RELN: variants seen among roughly 807,000 people sequenced by gnomAD.
RELN encodes reelin.
A neutral mutation model predicts 427.6 loss-of-function variants in RELN; 108 were observed. That is an observed-to-expected ratio of 0.25 (90% CI 0.22 to 0.30). The LOEUF (loss-of-function observed/expected upper bound fraction) is 0.30. Among genes scored for constraint, RELN ranks in the 10% least tolerant of loss-of-function variants. The pLI, the probability that RELN is intolerant of heterozygous loss-of-function variation, is 1.00. For missense variants in RELN, 3,715 were observed against 4,302.8 expected (o/e 0.86, Z 3.82); for synonymous variants, 1,524 against 1,513.4 (o/e 1.01, Z -0.16).
chr7:103,723,158 C>G lies in RELN; in HGVS notation c.787G>C (p.Val263Leu). 1.3e-6 allele frequency: 2 copies of G among 1,597,850 alleles called. No individual in the cohort carries two copies. The highest frequency in any genetic ancestry group is 1.7e-6 in the Non-Finnish European group (2 of 1,165,934). The stretch of plus-strand genomic sequence containing the variant: ...CACTTACCAATGGAAAATTGGAGGA[C>G]AGAAGCTGTTGTTGTATTAAGGCCT... The part of the protein sequence containing the change: ...TTGLNTTTAS[V>L]LQFSIGSGSC... The change falls in exon 8 of 65, where the codon GTC (valine) becomes CTC (leucine). Residue 263 changes from valine (V) to leucine (L), a missense_variant. Transcript: ENST00000428762.
At chr7:103,703,746 G>A (rs995285931) in intron 8 of RELN, among the ~76,000 whole-genome samples, 2 of 152,110 alleles carry the variant, frequency 1.3e-5, no homozygotes, top group Admixed American at 6.6e-5. Context: ...TCACTCTGAG[G>A]CAGCAATTTT....
chr7:103,757,974 C>A (rs1023128248), intron 4 of RELN, among the ~76,000 whole-genome samples: 3 of 152,146 alleles, frequency 2.0e-5, no homozygotes, highest in Non-Finnish European at 1.5e-5. Flanking sequence ...TGAATTTCTA[C>A]ATTTTTTCAG....
At chr7:103,548,935 A>G (rs1380419885) in intron 41 of RELN, among the ~76,000 whole-genome samples, 2 of 152,212 alleles carry the variant, frequency 1.3e-5, no homozygotes, top group Non-Finnish European at 2.9e-5. Context: ...ATTATTTCCA[A>G]GTGGGAACTT....
At chr7:103,894,543 T>C (rs1224877087) in intron 2 of RELN, among the ~76,000 whole-genome samples, 1 of 152,196 alleles carries the variant, frequency 6.6e-6, no homozygotes, top group Admixed American at 6.6e-5. Context: ...GTTTAATGTA[T>C]GTGTTTTCAA....
intron 3 of RELN, among the ~76,000 whole-genome samples, chr7:103,803,167 C>T (rs528640124): frequency 3.3e-5 from 5 of 152,064 alleles, no homozygotes; most frequent in Non-Finnish European, 7.4e-5. Flanking sequence ...GATTGCAAGA[C>T]TAAAATACTC....
In RELN at chr7:103,917,117, G is replaced by T. The variant is rs762514238; in HGVS notation, c.295C>A (p.Gln99Lys). 1 of 1,613,406 alleles carries T rather than the reference G, an allele frequency of 6.2e-7. No homozygotes were observed. The highest frequency in any genetic ancestry group is 1.3e-5 in the African/African-American group (1 of 74,908). The change falls in exon 2 of 65, where the codon CAG becomes AAG. Residue 99 changes from glutamine to lysine, a missense_variant. By Grantham distance (53) the Gln-to-Lys change is moderately conservative. Coordinates refer to ENST00000428762, the MANE Select transcript of RELN (RefSeq NM_005045.4). ...GAACCTCCAATGCTCTGTGATGCCT[G>T]AACACTTGTAGATGTGTATAGTCCT... ...VTGLYTSTSV[Q>K]ASQSIGGSSA...
At chr7:103,578,824 T>C (rs1162474284) in intron 28 of RELN, among the ~76,000 whole-genome samples, 1 of 152,268 alleles carries the variant, frequency 6.6e-6, no homozygotes, top group Non-Finnish European at 1.5e-5. Flanking sequence ...TTGCAATTGT[T>C]ACTACTAATG....
chr7:103,474,768 G>C (rs1827973541), intron 64 of RELN, among the ~76,000 whole-genome samples: 1 of 149,508 alleles, frequency 6.7e-6, no homozygotes, highest in South Asian at 2.2e-4. Flanking sequence ...TATTATAGTG[G>C]CCCCCTGAAC....
chr7:103,611,669 T>C lies in RELN; in HGVS notation c.2837A>G (p.Asn946Ser), dbSNP rs755678197. The C allele has an allele frequency of 6.2e-7, 1 of 1,613,770 alleles. No homozygotes were observed. Among genetic ancestry groups the C allele is most frequent in the African/African-American group, 1.3e-5 (1 of 74,914 alleles). ...GGTTGAGTACTCCAGCTTCACCTGG[T>C]TGTCCATGTGTGGGGTGTATTTCTG... The part of the protein sequence containing the change: ...CGQKYTPHMD[N>S]QVKLEYSTNH... Residue 946 changes from asparagine to serine, a missense_variant, in exon 21 of 65, where the codon AAC (asparagine) becomes AGC (serine). This residue lies in a region of RELN where 2,208 missense variants were observed against 2,361.7 expected (regional missense o/e 0.93). Transcript: ENST00000428762.
At chr7:103,606,402 C>T (rs1008187963) in intron 22 of RELN, among the ~76,000 whole-genome samples, 2 of 152,284 alleles carry the variant, frequency 1.3e-5, no homozygotes, top group South Asian at 4.1e-4. Flanking sequence ...ACAAGGCCCC[C>T]AGGACCCTGG....
chr7:103,632,291 AG>A (rs1262577923), intron 19 of RELN, among the ~76,000 whole-genome samples: 2 of 152,204 alleles, frequency 1.3e-5, no homozygotes, highest in Non-Finnish European at 2.9e-5. Context: ...TCTTATGGCA[AG>A]GGCCAGAAAT....
chr7:103,822,933 A>C, intron 3 of RELN, among the ~76,000 whole-genome samples: 1 of 886 alleles, frequency 1.1e-3, no homozygotes, highest in African/African-American at 1.2e-3. Context: ...AAAAAAAAAA[A>C]AAAAAAAAAA....
rs189287617 is a variant in RELN, at chr7:103,687,916, G to A, written c.1144-5655C>T. On this transcript the variant is annotated intron_variant, in intron 10 of 64. Coordinates refer to ENST00000428762, the MANE Select transcript of RELN (RefSeq NM_005045.4). ...TGGCTCATTTCCATGTTTCACTAAT[G>A]TTATTCCACATTAATTACTGTACAA... 1.7e-3 allele frequency among the ~76,000 whole-genome samples: 257 copies of A among 152,160 alleles called. 2 individuals carry two copies. The highest frequency in any genetic ancestry group is 3.1e-3 in the Non-Finnish European group (212 of 68,000).
chr7:103,575,280 C>T (rs1830973850), intron 29 of RELN, among the ~76,000 whole-genome samples: 1 of 152,168 alleles, frequency 6.6e-6, no homozygotes, highest in African/African-American at 2.4e-5. Flanking sequence ...GAAGTAGGAC[C>T]TCAAGCAGTA....
chr7:103,576,400 A>G (rs867262307), intron 28 of RELN, among the ~76,000 whole-genome samples: 8 of 152,314 alleles, frequency 5.3e-5, no homozygotes, highest in Middle Eastern at 3.4e-3. Flanking sequence ...TCAGCCTCCC[A>G]AAGTACTGGG....
intron 2 of RELN, among the ~76,000 whole-genome samples, chr7:103,899,194 G>A (rs1481365685): frequency 6.6e-6 from 1 of 152,098 alleles, no homozygotes; most frequent in East Asian, 1.9e-4. Flanking sequence ...AAATCTAGCA[G>A]AAATTGATAA....
chr7:103,634,012 T>A (rs1207448223), intron 19 of RELN, among the ~76,000 whole-genome samples: 5 of 152,196 alleles, frequency 3.3e-5, no homozygotes, highest in Non-Finnish European at 4.4e-5. Flanking sequence ...ATAACACTTA[T>A]AAGTTATAAT....
chr7:103,801,643 T>C (rs1792469245), intron 3 of RELN, among the ~76,000 whole-genome samples: 1 of 151,830 alleles, frequency 6.6e-6, no homozygotes, highest in South Asian at 2.1e-4. Context: ...GATGGGTTGA[T>C]GGATGCAGCG....
chr7:103,850,326 A>G (rs1184993219), intron 2 of RELN, among the ~76,000 whole-genome samples: 1 of 152,192 alleles, frequency 6.6e-6, no homozygotes, highest in East Asian at 1.9e-4. Context: ...ATAGGCCCCC[A>G]TTGGAGAAGC....
Sources: gnomAD v4.1 joint callset for allele counts (sites outside exome capture counted in the v4.1 genomes callset) on GRCh38, gnomAD v4.1.1 for gene constraint, gnomAD v4.1.1 regional missense constraint, MANE v1.5 for transcripts, NCBI Gene and HGNC (gene_info 2026-07-23, HGNC 2026-07-21) for gene names.